SPON1: variants seen among roughly 807,000 people sequenced by gnomAD.
SPON1 encodes the protein spondin 1.
Under a neutral mutation model 111.7 loss-of-function variants are expected in SPON1, and 52 were observed. The observed-to-expected ratio is 0.47, with a 90% CI of 0.37 to 0.59. The LOEUF (loss-of-function observed/expected upper bound fraction) is 0.59. SPON1 is among the 20% of genes least tolerant of loss of function. The probability of loss-of-function intolerance (pLI) is 0.00; values close to 1 mark genes in which losing one functional copy is unlikely to be tolerated. For synonymous variants in SPON1, 410 were observed against 395.8 expected (o/e 1.04, Z -0.43); for missense variants, 957 against 1,068.5 (o/e 0.90, Z 1.46).
Position 14,135,215 on chromosome 11 carries a change from C to A in SPON1, c.677-205C>A. The A allele has an allele frequency of 2.0e-6, 1 of 493,644 alleles. No individual in the cohort carries two copies. Among genetic ancestry groups the A allele is most frequent in the Non-Finnish European group, 3.6e-6 (1 of 280,792 alleles). 30.6% of individuals were successfully genotyped at this position (493,644 alleles called of 1,614,324 possible). ...GCCTCTGCGTCTTGTTCAACATCTG[C>A]TGTTGACCTGTCTGTACATTCCCAA... On this transcript the variant is annotated intron_variant, in intron 5 of 15. Transcript: ENST00000576479. The surrounding 1 kb of genome is among the most constrained non-coding windows in gnomAD (Gnocchi z 4.4).
intron 3 of SPON1, among the ~76,000 whole-genome samples, chr11:14,069,705 T>G (rs75229450): frequency 0.079 from 12,054 of 152,044 alleles, 549 homozygotes; most frequent in South Asian, 0.19. Flanking sequence ...TGTTTTTGAG[T>G]GAGTGATAAT....
intron 4 of SPON1, among the ~76,000 whole-genome samples, chr11:14,078,528 T>G (rs1290600685): frequency 6.6e-6 from 1 of 152,170 alleles, no homozygotes; most frequent in Non-Finnish European, 1.5e-5. Context: ...TTTTCTCTCT[T>G]TCCTATCTAT....
intron 6 of SPON1, among the ~76,000 whole-genome samples, chr11:14,142,937 C>T (rs1847673440): frequency 6.6e-6 from 1 of 152,208 alleles, no homozygotes; most frequent in African/African-American, 2.4e-5. Flanking sequence ...ACACTGCCCC[C>T]AGTGTCAGGT....
At position 14,053,642 on chromosome 11, in the gene SPON1, C is replaced by T. The variant is rs147556537; in HGVS notation, c.479+11988C>T. ...TTATTCCTACATTAACTTTTCAGTC[C>T]CTATTTTTTTAACCAGGAGATAATT... On this transcript the variant is annotated intron_variant, in intron 3 of 15. Transcript: ENST00000576479. Among the ~76,000 whole-genome samples the T allele has an allele frequency of 1.2e-3, 189 of 152,226 alleles. 1 individual carries two copies. The highest frequency in any genetic ancestry group is 2.5e-3 in the Non-Finnish European group (170 of 68,012).
chr11:13,984,464 A>G (rs868931810), intron 2 of SPON1, among the ~76,000 whole-genome samples: 8 of 152,228 alleles, frequency 5.3e-5, no homozygotes, highest in Middle Eastern at 3.4e-3. Flanking sequence ...GCATTATCCC[A>G]TGGGGAAAGG....
chr11:14,256,535 G>A (rs1849110636), intron 9 of SPON1, 82 bp from the exon 10 acceptor site: 2 of 939,710 alleles, frequency 2.1e-6, no homozygotes, highest in Non-Finnish European at 3.4e-6. Flanking sequence ...ATGGCGATTA[G>A]ATTTTAGTCC....
intron 2 of SPON1, among the ~76,000 whole-genome samples, chr11:14,020,400 T>G (rs1382660107): frequency 6.6e-6 from 1 of 152,190 alleles, no homozygotes; most frequent in Non-Finnish European, 1.5e-5. Flanking sequence ...AGAGTGACCA[T>G]TGCCAGTGCA....
intron 7 of SPON1, among the ~76,000 whole-genome samples, chr11:14,249,341 T>A (rs1849027549): frequency 6.6e-6 from 1 of 152,158 alleles, no homozygotes; most frequent in South Asian, 2.1e-4. Flanking sequence ...ACCGATGTCC[T>A]CGGGATGCTA....
intron 6 of SPON1, among the ~76,000 whole-genome samples, chr11:14,175,376 CAG>C (rs1334786064): frequency 4.6e-5 from 7 of 152,134 alleles, no homozygotes; most frequent in Non-Finnish European, 1.0e-4. Flanking sequence ...CAAAACAAGA[CAG>C]AGAAATTTCC....
At chr11:14,021,301 A>G (rs1848479916) in intron 2 of SPON1, among the ~76,000 whole-genome samples, 1 of 152,238 alleles carries the variant, frequency 6.6e-6, no homozygotes, top group Middle Eastern at 3.4e-3. Flanking sequence ...AGTGTATGAA[A>G]AAATAGTAAG....
At position 14,135,126 on chromosome 11, in the gene SPON1, C is replaced by T. The variant is rs1431283856; in HGVS notation, c.677-294C>T. ...ATTTTGCCTTACAAATATGATCAGCCTTTAACGTTCTCTCAACTATCCCCT... is the reference window on the plus strand; with the variant it reads ...ATTTTGCCTTACAAATATGATCAGCTTTTAACGTTCTCTCAACTATCCCCT... On this transcript the variant is annotated intron_variant, in intron 5 of 15. Transcript: ENST00000576479. The surrounding 1 kb of genome is among the most constrained non-coding windows in gnomAD (Gnocchi z 4.4). The T allele has an allele frequency of 3.9e-6, 1 of 257,216 alleles. No individual in the cohort carries two copies. Among genetic ancestry groups the T allele is most frequent in the Non-Finnish European group, 7.5e-6 (1 of 133,818 alleles). 15.9% of individuals were successfully genotyped at this position (257,216 alleles called of 1,614,324 possible). A position where few individuals can be genotyped will look rare whatever the true frequency, so the allele number is the denominator to read the frequency against.
intron 5 of SPON1, among the ~76,000 whole-genome samples, chr11:14,115,933 G>GTCCT (rs1361155763): frequency 1.3e-5 from 2 of 152,152 alleles, no homozygotes; most frequent in African/African-American, 4.8e-5. Flanking sequence ...GTTTTGTTTT[G>GTCCT]TTTTTCCACT....
chr11:14,056,108 G>A (rs1338492102), intron 3 of SPON1, among the ~76,000 whole-genome samples: 2 of 152,146 alleles, frequency 1.3e-5, no homozygotes, highest in Admixed American at 1.3e-4. Flanking sequence ...TACTAATGAC[G>A]TTAGGCAAGT....
At chr11:14,162,979 TA>T (rs781834710) in intron 6 of SPON1, among the ~76,000 whole-genome samples, 6 of 152,330 alleles carry the variant, frequency 3.9e-5, no homozygotes, top group East Asian at 1.9e-4. Context: ...ATTTTGAGTA[TA>T]GTTATTTTGC....
intron 13 of SPON1, 86 bp from the exon 14 acceptor site, chr11:14,260,502 A>G (rs1849159264): frequency 1.4e-6 from 2 of 1,426,586 alleles, no homozygotes; most frequent in East Asian, 2.3e-5. Context: ...AAAGCAGGGG[A>G]CTCGGTGTGG....
chr11:14,112,016 C>G (rs1040728858), intron 5 of SPON1, among the ~76,000 whole-genome samples: 1 of 150,856 alleles, frequency 6.6e-6, no homozygotes, highest in Admixed American at 6.6e-5. Flanking sequence ...CCAGAGACAC[C>G]GAGAACCTGA....
intron 7 of SPON1, among the ~76,000 whole-genome samples, chr11:14,247,872 C>T (rs1849009613): frequency 6.6e-6 from 1 of 152,170 alleles, no homozygotes. Flanking sequence ...AGCTCTGGAA[C>T]TCAGGGCAAG....
At chr11:14,006,085 T>C (rs372382744) in intron 2 of SPON1, among the ~76,000 whole-genome samples, 2 of 152,286 alleles carry the variant, frequency 1.3e-5, no homozygotes, top group Non-Finnish European at 2.9e-5. Flanking sequence ...TCTCAAGGGC[T>C]ATAGAAAGAG....
intron 4 of SPON1, among the ~76,000 whole-genome samples, chr11:14,076,641 C>T (rs2618506): frequency 0.023 from 3,455 of 152,290 alleles, 142 homozygotes; most frequent in African/African-American, 0.078. Flanking sequence ...TTAACCATTG[C>T]TTTCTAGCAA....
Sources: allele counts gnomAD v4.1 joint callset (sites outside exome capture counted in the v4.1 genomes callset), GRCh38; gene constraint gnomAD v4.1.1; non-coding constraint Gnocchi (gnomAD v3.1); transcripts MANE v1.5; gene names NCBI Gene and HGNC (gene_info 2026-07-23, HGNC 2026-07-21).